Variants in MAGI1 observed in about 807,000 individuals in gnomAD.
MAGI1 encodes the protein membrane-associated guanylate kinase, WW and PDZ domain-containing protein 1.
MAGI1 carries 58 observed loss-of-function variants against 139.9 expected under a neutral mutation model. The observed-to-expected ratio is 0.41, with a 90% CI of 0.34 to 0.52. The LOEUF (loss-of-function observed/expected upper bound fraction) is 0.52, where lower values mean the gene tolerates loss of function less well. MAGI1 is among the 20% of genes least tolerant of loss of function. MAGI1 has a pLI of 0.12. For missense variants in MAGI1, 1,874 were observed against 1,901.6 expected, an observed-to-expected ratio of 0.99 and a Z score of 0.27; for synonymous variants, 812 against 737.9, an observed-to-expected ratio of 1.10 and a Z score of -1.63.
intron 1 of MAGI1, among the ~76,000 whole-genome samples, chr3:65,946,983 C>G (rs2063573131): frequency 6.6e-6 from 1 of 152,256 alleles, no homozygotes; most frequent in South Asian, 2.1e-4. Flanking sequence ...AGTGTTTCAC[C>G]TCAGTATTTT....
chr3:65,436,289 G>T (rs777789381), intron 10 of MAGI1, among the ~76,000 whole-genome samples: 1 of 152,014 alleles, frequency 6.6e-6, no homozygotes, highest in African/African-American at 2.4e-5. Flanking sequence ...AAATTTTATA[G>T]TATTTTTATT....
intron 1 of MAGI1, among the ~76,000 whole-genome samples, chr3:65,632,020 G>A (rs544412482): frequency 3.7e-5 from 5 of 133,868 alleles, no homozygotes; most frequent in South Asian, 5.1e-4. Flanking sequence ...ATGAGACTCC[G>A]TCTCAAAAAA....
intron 2 of MAGI1, among the ~76,000 whole-genome samples, chr3:65,543,153 A>G (rs1242220817): frequency 6.6e-6 from 1 of 152,230 alleles, no homozygotes; most frequent in Non-Finnish European, 1.5e-5. Context: ...CATGAAAAAA[A>G]GCTCATCATC....
At chr3:65,917,618 A>T (rs1362115204) in intron 1 of MAGI1, among the ~76,000 whole-genome samples, 1 of 152,188 alleles carries the variant, frequency 6.6e-6, no homozygotes, top group Admixed American at 6.5e-5. Flanking sequence ...AAAGAAACAC[A>T]CCATCAAGCC....
intron 2 of MAGI1, among the ~76,000 whole-genome samples, chr3:65,533,679 T>C (rs539079356): frequency 1.3e-5 from 2 of 152,308 alleles, no homozygotes; most frequent in Admixed American, 6.5e-5. Flanking sequence ...TGTAGAAAGC[T>C]ATATACAGAG....
At chr3:65,507,310 G>C (rs1227688967) in intron 2 of MAGI1, among the ~76,000 whole-genome samples, 2 of 152,094 alleles carry the variant, frequency 1.3e-5, no homozygotes, top group Non-Finnish European at 2.9e-5. Context: ...ATTTATAGTG[G>C]TATTTACCTT....
At position 65,478,626 on chromosome 3, in the gene MAGI1, C is replaced by T; in HGVS notation, c.723G>A (p.Glu241=). 6.2e-7 allele frequency: 1 copy of T among 1,613,992 alleles called. No homozygotes were observed. The highest frequency in any genetic ancestry group is 8.5e-7 in the Non-Finnish European group (1 of 1,179,954). Residue 241 remains glutamate (E), a synonymous_variant, in exon 4 of 23, where the codon GAG becomes GAA. Transcript: ENST00000402939. ...AGIVHAENEE[E]DDVPEMNSSF... ...TGCTGTTCATTTCAGGAACGTCATC[C>T]TCCTCCTCATTCTCCGCGTGGACTA...
intron 1 of MAGI1, among the ~76,000 whole-genome samples, chr3:65,931,157 C>T (rs771158299): frequency 6.6e-5 from 10 of 151,976 alleles, no homozygotes; most frequent in African/African-American, 1.9e-4. Context: ...CTCAGCCTCC[C>T]GAGTAGCTGA....
At chr3:65,803,494 G>A (rs1487382965) in intron 1 of MAGI1, among the ~76,000 whole-genome samples, 1 of 152,036 alleles carries the variant, frequency 6.6e-6, no homozygotes, top group Non-Finnish European at 1.5e-5. Context: ...ATTATTCCCT[G>A]TGAAATCTTG....
At chr3:65,478,545 T>G in intron 4 of MAGI1, 47 bp downstream of exon 4, 1 of 1,566,470 alleles carries the variant, frequency 6.4e-7, no homozygotes, top group South Asian at 1.1e-5. Flanking sequence ...AGCCTCCTCG[T>G]CATCCCTTCC....
At position 65,962,758 on chromosome 3, in the gene MAGI1, G is replaced by T. The variant is rs186707528; in HGVS notation, c.313+75238C>A. Among the ~76,000 whole-genome samples the T allele has an allele frequency of 1.6e-3, 228 of 146,856 alleles. 1 individual carries two copies. The highest frequency in any genetic ancestry group is 5.4e-3 in the African/African-American group (212 of 39,392). On this transcript the variant is annotated intron_variant, in intron 1 of 22. Coordinates refer to ENST00000402939, the MANE Select transcript of MAGI1 (RefSeq NM_001033057.2). ...AAGAAACACTTGAACATGGGAGGCAGAGGTTGCAGTGAGCAGAGATCATGC... is the reference window on the plus strand; with the variant it reads ...AAGAAACACTTGAACATGGGAGGCATAGGTTGCAGTGAGCAGAGATCATGC...
chr3:65,781,766 T>A (rs2038953797), intron 1 of MAGI1, among the ~76,000 whole-genome samples: 1 of 152,144 alleles, frequency 6.6e-6, no homozygotes, highest in South Asian at 2.1e-4. Flanking sequence ...ACGGAAGAGA[T>A]TTGCTAAAGG....
At chr3:65,496,114 T>G (rs1474273712) in intron 2 of MAGI1, among the ~76,000 whole-genome samples, 1 of 152,072 alleles carries the variant, frequency 6.6e-6, no homozygotes, top group Non-Finnish European at 1.5e-5. Flanking sequence ...GAATCACAGC[T>G]CACTATCTCC....
rs146141222 is a variant in MAGI1 at position 65,483,510 on chromosome 3, C to T, written c.551-4712G>A. Among the ~76,000 whole-genome samples the T allele has an allele frequency of 3.5e-3, 534 of 152,270 alleles. 4 individuals carry two copies. The highest frequency in any genetic ancestry group is 0.011 in the African/African-American group (463 of 41,556). On this transcript the variant is annotated intron_variant, in intron 3 of 22. Transcript: ENST00000402939. ...ACACAAACCTTACAGACAGTATGCG[C>T]GACTTAACAGTATTAAATAAAAATC...
At position 65,404,619 on chromosome 3, in the gene MAGI1, T is replaced by G. The variant is rs567595565; in HGVS notation, c.2168-3149A>C. ...TTTAGGCCCACATGGTCATTAAATC[T>G]TAAAATCTAATACATATGAATGCTG... On this transcript the variant is annotated intron_variant, in intron 12 of 22. Coordinates refer to ENST00000402939, the MANE Select transcript of MAGI1 (RefSeq NM_001033057.2). 1.2e-4 allele frequency among the ~76,000 whole-genome samples: 19 copies of G among 152,348 alleles called. No homozygotes were observed. The South Asian group carries it at 3.1e-3, about 25-fold the overall frequency.
At chr3:65,420,580 G>A (rs1444026934) in intron 12 of MAGI1, among the ~76,000 whole-genome samples, 7 of 152,088 alleles carry the variant, frequency 4.6e-5, no homozygotes, top group Admixed American at 4.6e-4. Flanking sequence ...CCAGTGCCTA[G>A]ACGATGACAG....
At position 65,688,117 on chromosome 3, in the gene MAGI1, A is replaced by C. The variant is rs79782389; in HGVS notation, c.314-66029T>G. 2,955 of 775,002 alleles carry C rather than the reference A, an allele frequency of 3.8e-3. 59 individuals carry two copies. The African/African-American group carries it at 0.043, about 11-fold the overall frequency. The allele number at this position is 775,002 out of a possible 1,614,324, so 48.0% of individuals were successfully genotyped here. ...AACACTGCACATAGGTGTTGCTTGC[A>C]GATTCTAGGTGCAGGACTGTTCCTG... is the stretch of plus-strand genomic sequence containing the variant. On this transcript the variant is annotated intron_variant, in intron 1 of 22. Coordinates refer to ENST00000402939, the MANE Select transcript of MAGI1 (RefSeq NM_001033057.2).
Position 65,354,301 on chromosome 3 carries a change from T to A in MAGI1, c.*2077A>T, listed in dbSNP as rs1026345716. On this transcript the variant is annotated 3_prime_UTR_variant, in exon 23 of 23. Coordinates refer to ENST00000402939, the MANE Select transcript of MAGI1 (RefSeq NM_001033057.2). ...TAGCATTCACAGACTTTTCCCTCCT[T>A]TTTAGCTACAGAATGTATATTGTGT... is the stretch of plus-strand genomic sequence containing the variant. 1 of 152,644 alleles carries A rather than the reference T, an allele frequency of 6.6e-6. No individual in the cohort carries two copies. The highest frequency in any genetic ancestry group is 1.5e-5 in the Non-Finnish European group (1 of 68,040). The allele number at this position is 152,644 out of a possible 1,614,324, so 9.5% of individuals were successfully genotyped here.
intron 2 of MAGI1, among the ~76,000 whole-genome samples, chr3:65,587,449 T>C (rs2081737262): frequency 6.6e-6 from 1 of 152,178 alleles, no homozygotes; most frequent in East Asian, 1.9e-4. Flanking sequence ...ATGGCATTTC[T>C]TTGCCATTTT....
Sources: gnomAD v4.1 joint callset for allele counts (sites outside exome capture counted in the v4.1 genomes callset) on GRCh38, gnomAD v4.1.1 for gene constraint, MANE v1.5 for transcripts, NCBI Gene and HGNC (gene_info 2026-07-23, HGNC 2026-07-21) for gene names.